The following SNX29 variants were observed in gnomAD, a reference collection of about 807,000 sequenced individuals.
The protein encoded by SNX29 is sorting nexin 29.
A neutral mutation model predicts 102.1 loss-of-function variants in SNX29; 78 were observed. The observed-to-expected ratio is 0.76, with a 90% CI of 0.64 to 0.92. The LOEUF (loss-of-function observed/expected upper bound fraction) is 0.92. Among genes scored for constraint, SNX29 ranks in the 40% least tolerant of loss-of-function variants. The pLI is 0.00. For missense variants in SNX29, 1,280 were observed against 1,061.7 expected, an observed-to-expected ratio of 1.21 and a Z score of -2.86; for synonymous variants, 580 against 414.5, an observed-to-expected ratio of 1.40 and a Z score of -4.85.
At chr16:12,273,256 T>C (rs2079144746) in intron 14 of SNX29, among the ~76,000 whole-genome samples, 1 of 152,190 alleles carries the variant, frequency 6.6e-6, no homozygotes, top group South Asian at 2.1e-4. Flanking sequence ...ACTTTTTTTC[T>C]TAACAGCTTT....
At chr16:12,529,256 C>A (rs983789127) in intron 20 of SNX29, among the ~76,000 whole-genome samples, 1 of 152,188 alleles carries the variant, frequency 6.6e-6, no homozygotes, top group Non-Finnish European at 1.5e-5. Context: ...CTCCCCAAGA[C>A]AAGGAACAGA....
rs1332759442 is a variant in SNX29 at position 11,999,242 on chromosome 16, G to C, written c.8-55G>C. On this transcript the variant is annotated intron_variant, in intron 1 of 20. Coordinates refer to ENST00000566228, the MANE Select transcript of SNX29 (RefSeq NM_032167.5). ...CAGTAGGAAAGGACTGATCTAGTTG[G>C]GGACAGCCGTGTCCGAGCGTCAGAG... 2.6e-6 allele frequency: 4 copies of C among 1,547,924 alleles called. No individual in the cohort carries two copies. The African/African-American group carries it at 4.1e-5, about 16-fold the overall frequency.
At chr16:12,035,890 C>T (rs2057458844) in intron 4 of SNX29, among the ~76,000 whole-genome samples, 1 of 152,134 alleles carries the variant, frequency 6.6e-6, no homozygotes, top group African/African-American at 2.4e-5. Context: ...AAGCTGGCTT[C>T]ATCCCGTTCC....
chr16:12,360,110 C>T (rs2082260449), intron 16 of SNX29, among the ~76,000 whole-genome samples: 1 of 152,234 alleles, frequency 6.6e-6, no homozygotes, highest in African/African-American at 2.4e-5. Flanking sequence ...TGGCGTGAGC[C>T]ACCGCACCTG....
At chr16:12,398,543 T>C (rs1483274340) in intron 17 of SNX29, 42 bp downstream of exon 17, 1 of 1,608,266 alleles carries the variant, frequency 6.2e-7, no homozygotes, top group Admixed American at 1.7e-5. Context: ...CTTTAGAAAC[T>C]GGACTCTGTT....
chr16:12,530,069 C>G (rs1365880027), intron 20 of SNX29, among the ~76,000 whole-genome samples: 1 of 152,234 alleles, frequency 6.6e-6, no homozygotes, highest in East Asian at 1.9e-4. Flanking sequence ...CGGCACCGTT[C>G]CAACTACTCC....
At chr16:12,496,539 C>G (rs530351652) in intron 19 of SNX29, among the ~76,000 whole-genome samples, 1 of 122,346 alleles carries the variant, frequency 8.2e-6, no homozygotes, top group African/African-American at 3.3e-5. Flanking sequence ...TAAACCTAGT[C>G]TTGCTCTGTT....
At chr16:12,355,920 C>T (rs1282908511) in intron 15 of SNX29, among the ~76,000 whole-genome samples, 2 of 144,656 alleles carry the variant, frequency 1.4e-5, no homozygotes, top group South Asian at 2.3e-4. Flanking sequence ...TGATCTGATA[C>T]CATCCTATTT....
chr16:12,496,507 C>CTTTTTTTTT (rs537441350), intron 19 of SNX29, among the ~76,000 whole-genome samples: 3 of 115,228 alleles, frequency 2.6e-5, no homozygotes, highest in African/African-American at 1.2e-4. Flanking sequence ...GCTCTCATGG[C>CTTTTTTTTT]TTTTTTTTTT....
intron 20 of SNX29, among the ~76,000 whole-genome samples, chr16:12,567,964 C>G (rs1243121157): frequency 6.6e-6 from 1 of 152,174 alleles, no homozygotes; most frequent in Non-Finnish European, 1.5e-5. Context: ...GTGTCCCCCT[C>G]TTGGTGTTAT....
chr16:12,477,651 C>G, intron 18 of SNX29, 68 bp from the exon 19 acceptor site: 2 of 1,575,694 alleles, frequency 1.3e-6, no homozygotes, highest in South Asian at 1.2e-5. Context: ...ATGGGGAAAG[C>G]ATAGCCGAAA....
At chr16:12,555,846 C>T (rs909528152) in intron 20 of SNX29, among the ~76,000 whole-genome samples, 1 of 152,214 alleles carries the variant, frequency 6.6e-6, no homozygotes, top group Non-Finnish European at 1.5e-5. Context: ...CAACCCCCCT[C>T]ACCACCTCCA....
At chr16:11,997,943 C>G (rs2056148140) in intron 1 of SNX29, among the ~76,000 whole-genome samples, 1 of 152,214 alleles carries the variant, frequency 6.6e-6, no homozygotes, top group African/African-American at 2.4e-5. Flanking sequence ...GCTTTCCCAT[C>G]TGTGTTTGGG....
At chr16:12,013,463 T>C (rs775658146) in intron 3 of SNX29, among the ~76,000 whole-genome samples, 42 of 101,708 alleles carry the variant, frequency 4.1e-4, no homozygotes, top group Admixed American at 1.2e-3. Context: ...CTGGCCAACA[T>C]AGTGAAACCC....
chr16:12,404,461 G>C (rs1402198862), intron 18 of SNX29, among the ~76,000 whole-genome samples: 2 of 152,068 alleles, frequency 1.3e-5, no homozygotes, highest in African/African-American at 4.8e-5. Flanking sequence ...GTGTGCCCTT[G>C]TTCTGGGACT....
At chr16:12,263,316 C>T (rs773333409) in intron 14 of SNX29, among the ~76,000 whole-genome samples, 91 of 151,994 alleles carry the variant, frequency 6.0e-4, no homozygotes, top group Non-Finnish European at 1.1e-3. Flanking sequence ...TTAGTAGAGA[C>T]GGGGTTCTGC....
At chr16:11,998,377 C>G (rs1056828756) in intron 1 of SNX29, among the ~76,000 whole-genome samples, 3 of 152,208 alleles carry the variant, frequency 2.0e-5, no homozygotes, top group Non-Finnish European at 4.4e-5. Context: ...TGCCCCAGAC[C>G]TTCCTAAATG....
At chr16:12,555,809 G>A (rs528340443) in intron 20 of SNX29, among the ~76,000 whole-genome samples, 4 of 151,782 alleles carry the variant, frequency 2.6e-5, no homozygotes, top group East Asian at 3.9e-4. Flanking sequence ...GCCTGCCTCT[G>A]CAAGAAAGGT....
intron 4 of SNX29, among the ~76,000 whole-genome samples, chr16:12,031,649 C>T (rs2057348266): frequency 6.6e-6 from 1 of 151,048 alleles, no homozygotes; most frequent in Non-Finnish European, 1.5e-5. Flanking sequence ...ACTAAAAATA[C>T]AAAAAATTAG....
Sources: allele counts gnomAD v4.1 joint callset (sites outside exome capture counted in the v4.1 genomes callset), GRCh38; gene constraint gnomAD v4.1.1; transcripts MANE v1.5; gene names NCBI Gene and HGNC (gene_info 2026-07-23, HGNC 2026-07-21).